The following CNTNAP2 variants were observed in gnomAD, a reference collection of about 807,000 sequenced individuals.
The protein encoded by CNTNAP2 is contactin associated protein 2.
Under a neutral mutation model 155.2 loss-of-function variants are expected in CNTNAP2, and 98 were observed. The observed-to-expected ratio is 0.63, with a 90% CI of 0.54 to 0.75. The LOEUF (loss-of-function observed/expected upper bound fraction) is 0.75. Ranked by LOEUF, CNTNAP2 falls within the 30% of genes least tolerant of loss-of-function variation. CNTNAP2 has a pLI of 0.00. For synonymous variants in CNTNAP2, 651 were observed against 631.2 expected (o/e 1.03, Z -0.47); for missense variants, 1,727 against 1,688.1 (o/e 1.02, Z -0.40).
At chr7:147,839,504 G>A (rs1026615068) in intron 13 of CNTNAP2, among the ~76,000 whole-genome samples, 2 of 152,186 alleles carry the variant, frequency 1.3e-5, no homozygotes, top group Non-Finnish European at 2.9e-5. Flanking sequence ...TTAAAGAGTA[G>A]GAGAAAGTGA....
At position 146,807,938 on chromosome 7, in the gene CNTNAP2, G is replaced by A. The variant is rs1265937505; in HGVS notation, c.209-31773G>A. On this transcript the variant is annotated intron_variant, in intron 2 of 23. Transcript: ENST00000361727. The stretch of plus-strand genomic sequence containing the variant: ...TCACTCTGGCATAGTACATTTGCTA[G>A]TGGTCTTAATAATAGTGGGCCACTA... Among the ~76,000 whole-genome samples the A allele has an allele frequency of 2.6e-5, 4 of 152,086 alleles. No individual in the cohort carries two copies. The East Asian group carries it at 7.7e-4, about 29-fold the overall frequency.
intron 1 of CNTNAP2, among the ~76,000 whole-genome samples, chr7:146,661,552 T>G (rs1057004440): frequency 4.6e-5 from 6 of 131,634 alleles, no homozygotes; most frequent in Non-Finnish European, 9.7e-5. Flanking sequence ...TATTTCTGCT[T>G]CTTTCATTTA....
chr7:146,745,176 C>T (rs1317069238), intron 1 of CNTNAP2, among the ~76,000 whole-genome samples: 1 of 152,112 alleles, frequency 6.6e-6, no homozygotes, highest in African/African-American at 2.4e-5. Context: ...AAATTTTACA[C>T]CCAATAACAT....
intron 3 of CNTNAP2, among the ~76,000 whole-genome samples, chr7:146,862,599 G>T (rs996073098): frequency 1.3e-5 from 2 of 152,174 alleles, no homozygotes; most frequent in African/African-American, 4.8e-5. Flanking sequence ...TACCCTGGGG[G>T]AAAGGCATAA....
intron 12 of CNTNAP2, among the ~76,000 whole-genome samples, chr7:147,575,107 ATGTGTGTGTGTGTGTGTGTGTG>A (rs754922892): frequency 2.1e-5 from 2 of 94,066 alleles, no homozygotes; most frequent in South Asian, 7.4e-4. Context: ...TTTGTGGGAA[ATGTGTGTGTGTGTGTGTGTGTG>A]TGTGTGTGTG....
chr7:146,381,559 AT>A (rs1396921151), intron 1 of CNTNAP2, among the ~76,000 whole-genome samples: 1 of 152,142 alleles, frequency 6.6e-6, no homozygotes, highest in Non-Finnish European at 1.5e-5. Context: ...ATGAGTTAAT[AT>A]TTTACAGTGC....
At position 147,108,365 on chromosome 7, in the gene CNTNAP2, T is replaced by C; in HGVS notation, c.754+15T>C. 1 of 1,601,710 alleles carries C rather than the reference T, an allele frequency of 6.2e-7. No homozygotes were observed. Among genetic ancestry groups the C allele is most frequent in the Middle Eastern group, 1.7e-4 (1 of 5,992 alleles). On this transcript the variant is annotated intron_variant, in intron 5 of 23. Transcript: ENST00000361727. ...TTTAAACTTAGGTGTGTTCTGACTG[T>C]CAGTTCTATTCTTTCCGTTATGGAT... is the stretch of plus-strand genomic sequence containing the variant.
At chr7:147,712,532 G>A (rs534648026) in intron 13 of CNTNAP2, among the ~76,000 whole-genome samples, 2 of 152,288 alleles carry the variant, frequency 1.3e-5, no homozygotes, top group African/African-American at 2.4e-5. Flanking sequence ...TTAAGCAAAC[G>A]TGGCACATAT....
chr7:146,875,897 TAC>T (rs1216351375), intron 3 of CNTNAP2, among the ~76,000 whole-genome samples: 1 of 100,818 alleles, frequency 9.9e-6, no homozygotes, highest in African/African-American at 4.3e-5. Context: ...CACACACACA[TAC>T]ACACACGCAC....
At chr7:147,963,290 A>G (rs1442674856) in intron 14 of CNTNAP2, among the ~76,000 whole-genome samples, 1 of 152,150 alleles carries the variant, frequency 6.6e-6, no homozygotes, top group Non-Finnish European at 1.5e-5. Context: ...CAGAAAATTA[A>G]CAATCTATGT....
intron 13 of CNTNAP2, among the ~76,000 whole-genome samples, chr7:147,654,231 T>A (rs1192654889): frequency 1.3e-5 from 2 of 152,168 alleles, no homozygotes; most frequent in Non-Finnish European, 2.9e-5. Flanking sequence ...TCCAAACTAA[T>A]AAAAGATGGC....
chr7:146,590,142 G>A (rs952155264), intron 1 of CNTNAP2, among the ~76,000 whole-genome samples: 4 of 152,048 alleles, frequency 2.6e-5, no homozygotes, highest in East Asian at 1.9e-4. Context: ...CTGTTTGTTC[G>A]TTTGTTTTGT....
chr7:147,599,054 G>A (rs1800887375), intron 12 of CNTNAP2, among the ~76,000 whole-genome samples: 1 of 152,046 alleles, frequency 6.6e-6, no homozygotes, highest in Non-Finnish European at 1.5e-5. Context: ...TAATACATTG[G>A]GCTAAAATAA....
Position 146,126,952 on chromosome 7 carries a change from G to A in CNTNAP2, c.97+9979G>A, listed in dbSNP as rs141177069. Among the ~76,000 whole-genome samples, 768 of 152,068 alleles carry A rather than the reference G, an allele frequency of 5.1e-3. 4 individuals are homozygous for A. Among genetic ancestry groups the A allele is most frequent in the African/African-American group, 0.017 (724 of 41,466 alleles). ...TTAGTAGCCTCCTGGTATGTCTCCC[G>A]GATTCTAATCTTCCCCCTCTAGCTT... On this transcript the variant is annotated intron_variant, in intron 1 of 23. Transcript: ENST00000361727.
intron 14 of CNTNAP2, among the ~76,000 whole-genome samples, chr7:147,930,598 G>A (rs1451669767): frequency 6.6e-6 from 1 of 152,172 alleles, no homozygotes; most frequent in Non-Finnish European, 1.5e-5. Context: ...TGATGGAACT[G>A]AAGAAAGAAA....
intron 13 of CNTNAP2, among the ~76,000 whole-genome samples, chr7:147,720,833 A>G (rs770761226): frequency 2.2e-4 from 34 of 152,006 alleles, no homozygotes; most frequent in Non-Finnish European, 4.1e-4. Flanking sequence ...AGTGTCAGGC[A>G]GTTATTTATA....
intron 1 of CNTNAP2, among the ~76,000 whole-genome samples, chr7:146,675,652 T>C (rs1356518812): frequency 6.6e-6 from 1 of 152,164 alleles, no homozygotes. Flanking sequence ...TTTAAGTGGT[T>C]CAAGAGCTCC....
At chr7:146,352,443 A>G (rs917167068) in intron 1 of CNTNAP2, among the ~76,000 whole-genome samples, 1 of 152,160 alleles carries the variant, frequency 6.6e-6, no homozygotes, top group Non-Finnish European at 1.5e-5. Flanking sequence ...TTAAGCATGT[A>G]AGATTTCCAT....
intron 13 of CNTNAP2, among the ~76,000 whole-genome samples, chr7:147,853,426 T>C (rs1460552182): frequency 6.6e-6 from 1 of 152,232 alleles, no homozygotes; most frequent in Admixed American, 6.5e-5. Flanking sequence ...TTAACAATGG[T>C]TTTCTTGAGT....
Sources: gnomAD v4.1 joint callset for allele counts (sites outside exome capture counted in the v4.1 genomes callset) on GRCh38, gnomAD v4.1.1 for gene constraint, MANE v1.5 for transcripts, NCBI Gene and HGNC (gene_info 2026-07-23, HGNC 2026-07-21) for gene names.